Variants in TSHZ2 observed in about 807,000 individuals in gnomAD.
TSHZ2 encodes the protein teashirt homolog 2.
A neutral mutation model predicts 74.4 loss-of-function variants in TSHZ2; 21 were observed. That is an observed-to-expected ratio of 0.28 (90% CI 0.20 to 0.41). The LOEUF is 0.41. Among genes scored for constraint, TSHZ2 ranks in the 10% least tolerant of loss-of-function variants. TSHZ2 has a pLI of 1.00. For missense variants in TSHZ2, 1,244 were observed against 1,293.5 expected, an observed-to-expected ratio of 0.96 and a Z score of 0.59; for synonymous variants, 540 against 515.3, an observed-to-expected ratio of 1.05 and a Z score of -0.65.
chr20:53,465,657 T>G (rs1304332068), intron 2 of TSHZ2, among the ~76,000 whole-genome samples: 1 of 152,128 alleles, frequency 6.6e-6, no homozygotes, highest in Non-Finnish European at 1.5e-5. Context: ...CCCAGGCATG[T>G]GCTGTTGGTC....
intron 2 of TSHZ2, among the ~76,000 whole-genome samples, chr20:53,308,757 C>T (rs1034417552): frequency 2.0e-5 from 3 of 152,024 alleles, no homozygotes; most frequent in Admixed American, 1.3e-4. Flanking sequence ...ACTTGGTGTT[C>T]GACATTACTG....
chr20:53,152,410 T>C (rs930595397), intron 1 of TSHZ2, among the ~76,000 whole-genome samples: 1 of 152,126 alleles, frequency 6.6e-6, no homozygotes, highest in Non-Finnish European at 1.5e-5. Context: ...ACTCTCAGCC[T>C]AACCCTGACC....
chr20:53,093,999 T>C, intron 1 of TSHZ2, among the ~76,000 whole-genome samples: 1 of 152,036 alleles, frequency 6.6e-6, no homozygotes. Context: ...TTTTTTTTTT[T>C]TTTTTTAAAT....
chr20:53,323,562 G>GTTTTTTT (rs1979361508), intron 2 of TSHZ2, among the ~76,000 whole-genome samples: 2 of 64,134 alleles, frequency 3.1e-5, no homozygotes, highest in South Asian at 4.6e-4. Context: ...GCCTTGGAGG[G>GTTTTTTT]CTTTTTTTTT....
Position 53,254,870 on chromosome 20 carries a change from A to G in TSHZ2, c.1412A>G (p.Glu471Gly), listed in dbSNP as rs1434674984. The change falls in exon 2 of 3, where the codon GAA becomes GGA. Residue 471 changes from glutamate (E) to glycine (G), a missense_variant. Physicochemically the swap from Glu to Gly is moderately conservative, Grantham distance 98. Coordinates refer to ENST00000371497, the MANE Select transcript of TSHZ2 (RefSeq NM_173485.6). ...GAGAGTAAAAAAGAAAGGCCAGAGGAAACCAGCAAGGATGAGAAAGTCGTG... is the reference window on the plus strand; with the variant it reads ...GAGAGTAAAAAAGAAAGGCCAGAGGGAACCAGCAAGGATGAGAAAGTCGTG... ...KKESKKERPE[E>G]TSKDEKVVKS... 1.2e-6 allele frequency: 2 copies of G among 1,614,100 alleles called. No homozygotes were observed. The highest frequency in any genetic ancestry group is 1.7e-5 in the Admixed American group (1 of 59,996).
At chr20:53,126,789 G>T (rs1206237115) in intron 1 of TSHZ2, among the ~76,000 whole-genome samples, 1 of 152,150 alleles carries the variant, frequency 6.6e-6, no homozygotes, top group Non-Finnish European at 1.5e-5. Context: ...GCAACTACTT[G>T]ACAAGCACCC....
intron 1 of TSHZ2, among the ~76,000 whole-genome samples, chr20:53,176,686 CTTTCTT>C (rs1193637103): frequency 1.3e-5 from 2 of 148,736 alleles, no homozygotes; most frequent in African/African-American, 4.9e-5. Context: ...TTCTTTGTTT[CTTTCTT>C]TTTTTTTTTT....
At chr20:53,268,628 C>T (rs1284398664) in intron 2 of TSHZ2, among the ~76,000 whole-genome samples, 1 of 152,192 alleles carries the variant, frequency 6.6e-6, no homozygotes, top group Non-Finnish European at 1.5e-5. Context: ...ATAAATACAA[C>T]AGTGAATGAA....
rs78158535 is a variant in TSHZ2, at chr20:53,309,176, C to T, written c.*8+52605C>T. On this transcript the variant is annotated intron_variant, in intron 2 of 2. Coordinates refer to ENST00000371497, the MANE Select transcript of TSHZ2 (RefSeq NM_173485.6). The stretch of plus-strand genomic sequence containing the variant: ...CCAAGAGGTCTTGGGAAATGACTGC[C>T]ATGAGCTGAGGGCTCAAAACCTTAT... Among the ~76,000 whole-genome samples, 1,420 of 152,304 alleles carry T rather than the reference C, an allele frequency of 9.3e-3. 21 individuals are homozygous for T. The highest frequency in any genetic ancestry group is 0.032 in the African/African-American group (1,349 of 41,568).
At chr20:53,042,706 A>G (rs1487195611) in intron 1 of TSHZ2, among the ~76,000 whole-genome samples, 2 of 151,782 alleles carry the variant, frequency 1.3e-5, no homozygotes, top group Non-Finnish European at 2.9e-5. Flanking sequence ...GAGAAGAAAA[A>G]AAAAAAAAAA....
At chr20:53,271,990 G>A (rs555735316) in intron 2 of TSHZ2, among the ~76,000 whole-genome samples, 1 of 152,198 alleles carries the variant, frequency 6.6e-6, no homozygotes, top group Admixed American at 6.5e-5. Flanking sequence ...ACTTTGCAGG[G>A]CTGGGAAGTG....
chr20:53,168,088 G>C (rs755121917), intron 1 of TSHZ2, among the ~76,000 whole-genome samples: 2 of 152,182 alleles, frequency 1.3e-5, no homozygotes, highest in South Asian at 4.1e-4. Flanking sequence ...GGCATCATGG[G>C]TGTGTGATTA....
chr20:53,379,329 C>A (rs1209005758), intron 2 of TSHZ2, among the ~76,000 whole-genome samples: 1 of 152,188 alleles, frequency 6.6e-6, no homozygotes, highest in African/African-American at 2.4e-5. Context: ...CTGAAATGAG[C>A]CGTGATTGTG....
chr20:53,091,717 G>A (rs544893590), intron 1 of TSHZ2, among the ~76,000 whole-genome samples: 1 of 152,272 alleles, frequency 6.6e-6, no homozygotes, highest in Admixed American at 6.5e-5. Context: ...CCATTATAGT[G>A]TACTTCAGAA....
At chr20:53,280,689 G>A (rs1991041526) in intron 2 of TSHZ2, among the ~76,000 whole-genome samples, 1 of 144,736 alleles carries the variant, frequency 6.9e-6, no homozygotes, top group African/African-American at 2.7e-5. Flanking sequence ...TGTTGTGTGT[G>A]GGGGTTTTTT....
chr20:52,973,869 T>C (rs1274948906), intron 1 of TSHZ2, among the ~76,000 whole-genome samples: 1 of 152,198 alleles, frequency 6.6e-6, no homozygotes, highest in Non-Finnish European at 1.5e-5. Context: ...AGGAAATGGA[T>C]GACTCTTTGC....
At chr20:53,302,389 T>A (rs908985321) in intron 2 of TSHZ2, among the ~76,000 whole-genome samples, 23 of 152,164 alleles carry the variant, frequency 1.5e-4, no homozygotes, top group Admixed American at 1.5e-3. Flanking sequence ...AAATCTGGAT[T>A]TCATCGAACC....
chr20:53,014,706 T>C (rs1982974302), intron 1 of TSHZ2, among the ~76,000 whole-genome samples: 2 of 152,284 alleles, frequency 1.3e-5, no homozygotes, highest in South Asian at 2.1e-4. Flanking sequence ...TTAACACTTA[T>C]AACCCACTTT....
Position 53,256,415 on chromosome 20 carries a change from C to G in TSHZ2, c.2957C>G (p.Ala986Gly). The G allele has an allele frequency of 6.2e-7, 1 of 1,614,004 alleles. No individual in the cohort carries two copies. Among genetic ancestry groups the G allele is most frequent in the Non-Finnish European group, 8.5e-7 (1 of 1,179,884 alleles). Residue 986 changes from alanine (A) to glycine (G), a missense_variant, in exon 2 of 3, where the codon GCC (alanine) becomes GGC (glycine). Physicochemically the swap from Ala to Gly is moderately conservative, Grantham distance 60 (BLOSUM62 0). Transcript: ENST00000371497. The surrounding 1 kb of genome is among the most constrained non-coding windows in gnomAD (Gnocchi z 4.3). ...CAGAGGTCTCCAGAAACAATAGCTGCCGAAGAGGACACAGACTCTAAATTC... is the reference window on the plus strand; with the variant it reads ...CAGAGGTCTCCAGAAACAATAGCTGGCGAAGAGGACACAGACTCTAAATTC... ...SAQRSPETIA[A>G]EEDTDSKFKC... is the part of the protein sequence containing the mutation.
Sources: allele counts gnomAD v4.1 joint callset (sites outside exome capture counted in the v4.1 genomes callset), GRCh38; gene constraint gnomAD v4.1.1; non-coding constraint Gnocchi (gnomAD v3.1); transcripts MANE v1.5; gene names NCBI Gene and HGNC (gene_info 2026-07-23, HGNC 2026-07-21).